The following PTPRJ variants were observed in gnomAD, a reference collection of about 807,000 sequenced individuals.
The protein encoded by PTPRJ is protein tyrosine phosphatase receptor type J, also known as receptor-type tyrosine-protein phosphatase eta.
PTPRJ carries 129 observed loss-of-function variants against 141.3 expected under a neutral mutation model. The observed-to-expected ratio is 0.91, with a 90% CI of 0.79 to 1.06. PTPRJ has a LOEUF of 1.06. Ranked by LOEUF, PTPRJ falls within the 50% of genes least tolerant of loss-of-function variation. The pLI, the probability that PTPRJ is intolerant of heterozygous loss-of-function variation, is 0.00. For synonymous variants in PTPRJ, 610 were observed against 640.5 expected, an observed-to-expected ratio of 0.95 and a Z score of 0.72; for missense variants, 1,601 against 1,679.7, an observed-to-expected ratio of 0.95 and a Z score of 0.82.
At chr11:48,136,348 G>A (rs1857103484) in intron 9 of PTPRJ, 52 bp downstream of exon 9, 2 of 1,580,036 alleles carry the variant, frequency 1.3e-6, no homozygotes, top group Non-Finnish European at 1.7e-6. Flanking sequence ...ACTGTCTCTT[G>A]GAGGAGGCAC....
chr11:48,128,718 C>T (rs149333337), intron 7 of PTPRJ, among the ~76,000 whole-genome samples: 18 of 152,242 alleles, frequency 1.2e-4, no homozygotes, highest in African/African-American at 4.3e-4. Flanking sequence ...TCCCCTTTTA[C>T]AGATGAGGAA....
At chr11:48,047,979 C>G (rs1854454868) in intron 1 of PTPRJ, among the ~76,000 whole-genome samples, 1 of 152,088 alleles carries the variant, frequency 6.6e-6, no homozygotes, top group Admixed American at 6.5e-5. Flanking sequence ...TTATTTGGTT[C>G]TGGTCATTAA....
chr11:48,141,574 C>T (rs1490288149), intron 11 of PTPRJ, among the ~76,000 whole-genome samples: 1 of 152,196 alleles, frequency 6.6e-6, no homozygotes, highest in African/African-American at 2.4e-5. Flanking sequence ...CGTCTTTGCT[C>T]TCAGCTGACC....
At chr11:48,131,248 A>G (rs1440490745) in intron 8 of PTPRJ, among the ~76,000 whole-genome samples, 3 of 151,600 alleles carry the variant, frequency 2.0e-5, no homozygotes, top group Non-Finnish European at 2.9e-5. Context: ...ATGCCTGGCT[A>G]ATTTTTATAG....
chr11:48,161,137 C>T (rs1370617972), intron 22 of PTPRJ, among the ~76,000 whole-genome samples: 2 of 136,328 alleles, frequency 1.5e-5, no homozygotes, highest in Non-Finnish European at 3.0e-5. Context: ...GAGATTGTGC[C>T]ACTGCTGCAC....
chr11:48,123,108 T>C (rs1389891964), intron 4 of PTPRJ, among the ~76,000 whole-genome samples: 1 of 152,258 alleles, frequency 6.6e-6, no homozygotes, highest in Non-Finnish European at 1.5e-5. Flanking sequence ...GAACGTCTTC[T>C]GAAAAATCCC....
chr11:48,144,794 T>C lies in PTPRJ; in HGVS notation c.2695T>C (p.Ser899Pro). The C allele has an allele frequency of 6.2e-7, 1 of 1,614,164 alleles. No individual in the cohort carries two copies. Among genetic ancestry groups the C allele is most frequent in the South Asian group, 1.1e-5 (1 of 91,086 alleles). The change falls in exon 13 of 25, where the codon TCT (serine) becomes CCT (proline). Residue 899 changes from serine (S) to proline (P), a missense_variant. By Grantham distance (74) the Ser-to-Pro change is moderately conservative. Coordinates refer to ENST00000418331, the MANE Select transcript of PTPRJ (RefSeq NM_002843.4). ...TEEKGRSQSL[S>P]EVLKYEIDVG... is the part of the protein sequence containing the mutation. ...AGAAAAGGGACGTTCTCAGAGCTTG[T>C]CTGAAGTTTTGAAATATGAAATTGA...
intron 1 of PTPRJ, among the ~76,000 whole-genome samples, chr11:48,000,982 ATT>A (rs1002159076): frequency 1.2e-3 from 148 of 122,840 alleles, no homozygotes; most frequent in Middle Eastern, 4.6e-3. Context: ...GTCCCATATA[ATT>A]TTTTTTTTTT....
At chr11:48,155,039 C>T (rs1466872377) in intron 19 of PTPRJ, among the ~76,000 whole-genome samples, 2 of 152,176 alleles carry the variant, frequency 1.3e-5, no homozygotes, top group Admixed American at 6.5e-5. Context: ...TGAGGTGGTG[C>T]TGCTTCTGGC....
intron 1 of PTPRJ, among the ~76,000 whole-genome samples, chr11:48,025,998 CA>C (rs1853798858): frequency 1.3e-5 from 2 of 152,208 alleles, no homozygotes; most frequent in African/African-American, 4.8e-5. Flanking sequence ...AGGCTCTGGA[CA>C]AAAGGCACAT....
At chr11:48,068,367 G>T (rs1490910205) in intron 1 of PTPRJ, among the ~76,000 whole-genome samples, 2 of 152,162 alleles carry the variant, frequency 1.3e-5, no homozygotes, top group African/African-American at 2.4e-5. Flanking sequence ...AATTGAATGG[G>T]GGGGTGGTTT....
intron 1 of PTPRJ, among the ~76,000 whole-genome samples, chr11:48,020,190 C>T (rs1183942484): frequency 6.6e-6 from 1 of 152,136 alleles, no homozygotes; most frequent in Non-Finnish European, 1.5e-5. Flanking sequence ...GAGGTTTTAG[C>T]TAGTGGCGAT....
chr11:47,984,259 G>T (rs1358931636), intron 1 of PTPRJ, among the ~76,000 whole-genome samples: 1 of 152,170 alleles, frequency 6.6e-6, no homozygotes, highest in Non-Finnish European at 1.5e-5. Flanking sequence ...GCTCCTAAAA[G>T]TAATTTTTGC....
chr11:48,092,294 C>CAAAAGAA (rs1855886833), intron 1 of PTPRJ, among the ~76,000 whole-genome samples: 1 of 46,956 alleles, frequency 2.1e-5, no homozygotes, highest in Non-Finnish European at 3.9e-5. Context: ...GATTTCATCT[C>CAAAAGAA]AAAAAAAAAA....
intron 1 of PTPRJ, among the ~76,000 whole-genome samples, chr11:48,084,642 G>A (rs949808473): frequency 1.3e-5 from 2 of 152,214 alleles, no homozygotes; most frequent in Admixed American, 6.5e-5. Flanking sequence ...CTGATTGGCT[G>A]AAGCAGACGA....
At chr11:48,085,628 G>A (rs1347757495) in intron 1 of PTPRJ, among the ~76,000 whole-genome samples, 1 of 152,122 alleles carries the variant, frequency 6.6e-6, no homozygotes, top group South Asian at 2.1e-4. Flanking sequence ...TGCGGGCTGG[G>A]ATTGCGGGCA....
At chr11:47,981,033 G>A in intron 1 of PTPRJ, 25 bp downstream of exon 1, 1 of 1,212,038 alleles carries the variant, frequency 8.3e-7, no homozygotes, top group South Asian at 4.1e-5. Flanking sequence ...GGCTCGGGCG[G>A]GGGGCAGGAG....
At chr11:48,123,076 G>A (rs1856745204) in intron 4 of PTPRJ, among the ~76,000 whole-genome samples, 3 of 152,208 alleles carry the variant, frequency 2.0e-5, no homozygotes, top group Admixed American at 2.0e-4. Context: ...ATGGGAGGAA[G>A]GTCCAGGATA....
chr11:48,146,861 T>G lies in PTPRJ; in HGVS notation c.2912-15T>G. On this transcript the variant is annotated splice_polypyrimidine_tract_variant and intron_variant, in intron 14 of 24. Transcript: ENST00000418331. ...GAACACCTCTTGAAGTGTCTCCCAT[T>G]TGGACTTTTCTCAGGTGTCATCTGT... The G allele has an allele frequency of 6.2e-7, 1 of 1,612,230 alleles. No individual in the cohort carries two copies. Among genetic ancestry groups the G allele is most frequent in the Non-Finnish European group, 8.5e-7 (1 of 1,178,298 alleles).
Sources: gnomAD v4.1 joint callset for allele counts (sites outside exome capture counted in the v4.1 genomes callset) on GRCh38, gnomAD v4.1.1 for gene constraint, MANE v1.5 for transcripts, NCBI Gene and HGNC (gene_info 2026-07-23, HGNC 2026-07-21) for gene names.